HOOK1: variants seen among roughly 807,000 people sequenced by gnomAD.
The protein encoded by HOOK1 is protein Hook homolog 1.
In HOOK1, 60 loss-of-function variants were observed where a neutral mutation model predicts 112.8. The observed-to-expected ratio is 0.53, with a 90% CI of 0.43 to 0.66. The LOEUF (loss-of-function observed/expected upper bound fraction) is 0.66. HOOK1 is among the 30% of genes least tolerant of loss of function. The probability of loss-of-function intolerance (pLI) is 0.00; values close to 1 mark genes in which losing one functional copy is unlikely to be tolerated. For synonymous variants in HOOK1, 294 were observed against 283.8 expected (o/e 1.04, Z -0.36); for missense variants, 770 against 856.0 (o/e 0.90, Z 1.25).
chr1:59,860,421 A>G, intron 15 of HOOK1, 93 bp downstream of exon 15: 1 of 1,125,428 alleles, frequency 8.9e-7, no homozygotes, highest in African/African-American at 1.6e-5. Flanking sequence ...TATTGTAGCT[A>G]AAGTAATTAG....
intron 2 of HOOK1, among the ~76,000 whole-genome samples, chr1:59,826,237 T>C (rs974434706): frequency 1.3e-5 from 2 of 152,098 alleles, no homozygotes; most frequent in Non-Finnish European, 2.9e-5. Flanking sequence ...TTATTTGATA[T>C]CCCTTGAGTG....
intron 19 of HOOK1, among the ~76,000 whole-genome samples, chr1:59,867,402 T>C (rs139720610): frequency 7.0e-4 from 106 of 152,302 alleles, no homozygotes; most frequent in African/African-American, 2.5e-3. Context: ...CAATAAATGA[T>C]TTTTGGATGA....
At position 59,873,948 on chromosome 1, in the gene HOOK1, T is replaced by C. The variant is rs888412460; in HGVS notation, c.*983T>C. The C allele has an allele frequency of 1.3e-5, 2 of 151,874 alleles. No homozygotes were observed. The highest frequency in any genetic ancestry group is 4.8e-5 in the African/African-American group (2 of 41,358). 9.4% of individuals were successfully genotyped at this position (151,874 alleles called of 1,614,324 possible). On this transcript the variant is annotated 3_prime_UTR_variant, in exon 22 of 22. Transcript: ENST00000371208. ...GATCAGTTTGATTTTGTTTACTTAT[T>C]AAGGAGTTTATCTTGGGCTCAGTTT...
intron 12 of HOOK1, among the ~76,000 whole-genome samples, chr1:59,855,964 T>TAAAAAAAAAA (rs1559058013): frequency 2.2e-5 from 2 of 92,682 alleles, no homozygotes; most frequent in African/African-American, 6.3e-5. Flanking sequence ...ATATATAAAT[T>TAAAAAAAAAA]ATTATATATA....
intron 5 of HOOK1, among the ~76,000 whole-genome samples, chr1:59,835,044 A>G (rs984727654): frequency 4.6e-5 from 7 of 152,172 alleles, no homozygotes; most frequent in Non-Finnish European, 7.4e-5. Flanking sequence ...AAGGAATTCA[A>G]TTCCTAGATA....
At position 59,862,877 on chromosome 1, in the gene HOOK1, TGTAA is replaced by T; in HGVS notation, c.1626+5_1626+8del. The T allele has an allele frequency of 6.5e-7, 1 of 1,545,350 alleles. No individual in the cohort carries two copies. Among genetic ancestry groups the T allele is most frequent in the Non-Finnish European group, 8.9e-7 (1 of 1,117,796 alleles). On this transcript the variant is annotated splice_donor_variant and splice_donor_region_variant and intron_variant, in intron 16 of 21. Transcript: ENST00000371208. LOFTEE classifies it high-confidence loss of function. Reference sequence around the variant, plus strand: ...AAGGTTCCAAGTCTGAAGGCGAAAGTGTAAGTAACTTAGAAATTATAATAATTCT... The same window carrying T: ...AAGGTTCCAAGTCTGAAGGCGAAAGTGTAACTTAGAAATTATAATAATTCT...
intron 19 of HOOK1, among the ~76,000 whole-genome samples, chr1:59,866,193 G>C (rs1409878032): frequency 6.6e-6 from 1 of 152,170 alleles, no homozygotes; most frequent in Admixed American, 6.6e-5. Flanking sequence ...AATAGGGACT[G>C]TTTAGACAGA....
chr1:59,834,013 T>C (rs191089542), intron 5 of HOOK1, among the ~76,000 whole-genome samples: 2 of 152,336 alleles, frequency 1.3e-5, no homozygotes, highest in African/African-American at 2.4e-5. Flanking sequence ...ATAAATGGAA[T>C]TGATGCATTA....
intron 8 of HOOK1, among the ~76,000 whole-genome samples, chr1:59,841,133 T>C (rs2098400837): frequency 6.6e-6 from 1 of 152,188 alleles, no homozygotes; most frequent in South Asian, 2.1e-4. Context: ...ACAGAAGTGC[T>C]GTGTTTATTG....
chr1:59,869,701 G>T (rs973854743), intron 20 of HOOK1, among the ~76,000 whole-genome samples: 1 of 152,080 alleles, frequency 6.6e-6, no homozygotes, highest in Non-Finnish European at 1.5e-5. Flanking sequence ...ACACCAACCC[G>T]ATACGCCCTT....
chr1:59,821,762 GT>G, intron 1 of HOOK1, 95 bp from the exon 2 acceptor site: 15 of 723,696 alleles, frequency 2.1e-5, no homozygotes, highest in East Asian at 6.8e-5. Flanking sequence ...TTTTTTTTTT[GT>G]TTTTTTTAGC....
rs1644084788 is a variant in HOOK1 at position 59,873,130 on chromosome 1, T to G, written c.*165T>G. ...TCAAATTAATTTTGCCAGTTGACTT[T>G]AAAAACAAATTATAGAATTAGCCAT... On this transcript the variant is annotated 3_prime_UTR_variant, in exon 22 of 22. Coordinates refer to ENST00000371208, the MANE Select transcript of HOOK1 (RefSeq NM_015888.6). The G allele has an allele frequency of 7.9e-6, 4 of 506,186 alleles. No individual in the cohort carries two copies. The highest frequency in any genetic ancestry group is 9.6e-6 in the Non-Finnish European group (3 of 311,772). 31.4% of individuals were successfully genotyped at this position (506,186 alleles called of 1,614,324 possible).
intron 19 of HOOK1, among the ~76,000 whole-genome samples, chr1:59,867,359 T>C (rs1643983708): frequency 6.6e-6 from 1 of 152,182 alleles, no homozygotes; most frequent in South Asian, 2.1e-4. Flanking sequence ...TGCTGAATCC[T>C]CATCTGCCAG....
intron 1 of HOOK1, among the ~76,000 whole-genome samples, chr1:59,821,488 G>A (rs546328447): frequency 2.4e-4 from 37 of 152,276 alleles, no homozygotes; most frequent in Non-Finnish European, 5.4e-4. Context: ...GAAATTTTAA[G>A]TTGCAAATGT....
intron 1 of HOOK1, among the ~76,000 whole-genome samples, chr1:59,818,349 A>G (rs1312549196): frequency 1.3e-5 from 2 of 152,238 alleles, no homozygotes; most frequent in Non-Finnish European, 2.9e-5. Flanking sequence ...TAGAGAAGTC[A>G]TCAAGAAAAG....
intron 1 of HOOK1, 132 bp downstream of exon 1, chr1:59,815,312 C>A: frequency 2.4e-6 from 2 of 834,100 alleles, no homozygotes; most frequent in Non-Finnish European, 3.6e-6. Flanking sequence ...TCACCTCGTG[C>A]CCTTGACCGA....
In HOOK1 at chr1:59,815,039, G is replaced by C; in HGVS notation, c.-79G>C. ...GAGCTTTCCTGGGGGCTAGCAGGTCGTGGACGCCGGCTCCTGGAGGAGAGC... is the reference window on the plus strand; with the variant it reads ...GAGCTTTCCTGGGGGCTAGCAGGTCCTGGACGCCGGCTCCTGGAGGAGAGC... On this transcript the variant is annotated 5_prime_UTR_variant, in exon 1 of 22. Transcript: ENST00000371208. 3 of 1,424,718 alleles carry C rather than the reference G, an allele frequency of 2.1e-6. No individual in the cohort carries two copies. Among genetic ancestry groups the C allele is most frequent in the Non-Finnish European group, 2.9e-6 (3 of 1,048,140 alleles). 88.3% of individuals were successfully genotyped at this position (1,424,718 alleles called of 1,614,324 possible). A position where few individuals can be genotyped will look rare whatever the true frequency, so the allele number is the denominator to read the frequency against.
intron 19 of HOOK1, among the ~76,000 whole-genome samples, chr1:59,867,447 C>T (rs1426897494): frequency 6.6e-6 from 1 of 152,038 alleles, no homozygotes; most frequent in Admixed American, 6.6e-5. Context: ...GGTATTTTAC[C>T]ATCCAGTCTT....
chr1:59,864,917 T>C, intron 17 of HOOK1: 1 of 567,430 alleles, frequency 1.8e-6, no homozygotes, highest in Non-Finnish European at 3.2e-6. Flanking sequence ...ACAACTAGAT[T>C]ATATGGGATG....
Sources: gnomAD v4.1 joint callset for allele counts (sites outside exome capture counted in the v4.1 genomes callset) on GRCh38, gnomAD v4.1.1 for gene constraint, MANE v1.5 for transcripts, NCBI Gene and HGNC (gene_info 2026-07-23, HGNC 2026-07-21) for gene names.